FLG: variants seen among roughly 807,000 people sequenced by gnomAD.
FLG encodes epidermal filaggrin.
Under a neutral mutation model 3.8 loss-of-function variants are expected in FLG, and 6 were observed. The observed-to-expected ratio is 1.60, with a 90% confidence interval of 0.87 to 3.15. The LOEUF (loss-of-function observed/expected upper bound fraction) is 3.15. FLG is among the 30% of genes most tolerant of loss of function. The pLI is 0.00. For missense variants in FLG, 7,595 were observed against 5,050.9 expected (o/e 1.50, Z -15.27); for synonymous variants, 2,551 against 1,931.6 (o/e 1.32, Z -8.41).
chr1:152,312,497 C>T lies in FLG; in HGVS notation c.2389G>A (p.Val797Met), dbSNP rs200671159. 5.6e-6 allele frequency: 9 copies of T among 1,613,382 alleles called. No homozygotes were observed. The East Asian group carries it at 1.1e-4, about 20-fold the overall frequency. The change falls in exon 3 of 3, where the codon GTG becomes ATG. Residue 797 changes from valine (V) to methionine (M), a missense_variant. Val to Met is a conservative substitution (Grantham distance 21). Transcript: ENST00000368799. ...SRRSGSFLYQ[V>M]STHKQSESSH... ...GACTCAGACTGTTTATGAGTGCTCACCTGGTAGAGGAAAGACCCTGAACGT... is the reference window on the plus strand; with the variant it reads ...GACTCAGACTGTTTATGAGTGCTCATCTGGTAGAGGAAAGACCCTGAACGT...
Position 152,305,400 on chromosome 1 carries a change from G to C in FLG, c.9486C>G (p.Ser3162Arg), listed in dbSNP as rs768001421. The C allele has an allele frequency of 3.7e-6, 6 of 1,604,452 alleles. No homozygotes were observed. The highest frequency in any genetic ancestry group is 3.4e-5 in the Admixed American group (2 of 58,384). The change falls in exon 3 of 3, where the codon AGC (serine) becomes AGG (arginine). Residue 3162 changes from serine (S) to arginine (R), a missense_variant. Ser to Arg is a moderately radical substitution (Grantham distance 110). Coordinates refer to ENST00000368799, the MANE Select transcript of FLG (RefSeq NM_002016.2). Reference sequence around the variant, plus strand: ...ATTGTTCCTCATTACGTGTTGTTCTGCTTGCACTTCTGGATCCTGACTGCC... The same window carrying C: ...ATTGTTCCTCATTACGTGTTGTTCTCCTTGCACTTCTGGATCCTGACTGCC... ...SRGQSGSRSA[S>R]RTTRNEEQSG...
At chr1:152,318,128 C>T (rs926084613) in intron 1 of FLG, among the ~76,000 whole-genome samples, 1 of 151,926 alleles carries the variant, frequency 6.6e-6, no homozygotes, top group African/African-American at 2.4e-5. Flanking sequence ...CCACCCTCCC[C>T]CAACATTTCT....
In FLG at chr1:152,313,424, T is replaced by C. The variant is rs1652601473; in HGVS notation, c.1462A>G (p.Ser488Gly). The part of the protein sequence containing the change: ...PDSAHGRTGT[S>G]TGGRQGSHHE... ...TGCGATCCTTGTCTTCCTCCAGTGCTGGTCCCGGTCCGTCCATGGGCAGAG... is the reference window on the plus strand; with the variant it reads ...TGCGATCCTTGTCTTCCTCCAGTGCCGGTCCCGGTCCGTCCATGGGCAGAG... The change falls in exon 3 of 3, where the codon AGC (serine) becomes GGC (glycine). Residue 488 changes from serine (S) to glycine (G), a missense_variant. Transcript: ENST00000368799. 1 of 1,613,948 alleles carries C rather than the reference T, an allele frequency of 6.2e-7. No homozygotes were observed. Among genetic ancestry groups the C allele is most frequent in the African/African-American group, 1.3e-5 (1 of 74,964 alleles).
At position 152,302,999 on chromosome 1, in the gene FLG, T is replaced by A. The variant is rs1420563367; in HGVS notation, c.11887A>T (p.Thr3963Ser). ...CCTGATTGACCTTTTTGCCTTTCAGTGCCCTCAGATTGATAATGATAAGAA... is the reference window on the plus strand; with the variant it reads ...CCTGATTGACCTTTTTGCCTTTCAGAGCCCTCAGATTGATAATGATAAGAA... The part of the protein sequence containing the change: ...SSSYHYQSEG[T>S]ERQKGQSGLV... The change falls in exon 3 of 3, where the codon ACT becomes TCT. Residue 3963 changes from threonine (T) to serine (S), a missense_variant. Coordinates refer to ENST00000368799, the MANE Select transcript of FLG (RefSeq NM_002016.2). The A allele has an allele frequency of 6.2e-7, 1 of 1,614,198 alleles. No individual in the cohort carries two copies. The highest frequency in any genetic ancestry group is 8.5e-7 in the Non-Finnish European group (1 of 1,180,052).
In FLG at chr1:152,302,892, A is replaced by T. The variant is rs779272279; in HGVS notation, c.11994T>A (p.Ser3998Arg). The T allele has an allele frequency of 1.1e-5, 17 of 1,614,078 alleles. No individual in the cohort carries two copies. Among genetic ancestry groups the T allele is most frequent in the Non-Finnish European group, 1.2e-5 (14 of 1,180,052 alleles). ...CAACAGGATTGGAATTGTAACTAACACTTCCGTGCTGAGAGTGTCTAAACC... is the reference window on the plus strand; with the variant it reads ...CAACAGGATTGGAATTGTAACTAACTCTTCCGTGCTGAGAGTGTCTAAACC... ...ESGFRHSQHG[S>R]VSYNSNPVVF... Residue 3998 changes from serine to arginine, a missense_variant, in exon 3 of 3, where the codon AGT becomes AGA. Physicochemically the swap from Ser to Arg is moderately radical, Grantham distance 110. Transcript: ENST00000368799.
chr1:152,311,450 G>T lies in FLG; in HGVS notation c.3436C>A (p.His1146Asn), dbSNP rs376703034. 317 of 1,613,912 alleles carry T rather than the reference G, an allele frequency of 2.0e-4. 1 individual carries two copies. In the Middle Eastern group the frequency reaches 5.0e-3, roughly 25 times the overall value. The change falls in exon 3 of 3, where the codon CAC (histidine) becomes AAC (asparagine). Residue 1146 changes from histidine to asparagine, a missense_variant. Transcript: ENST00000368799. The part of the protein sequence containing the change: ...TSTGRRQGSH[H>N]EQARDSSRHS... ...CTGGAGCTGTCTCGTGCCTGCTCGT[G>T]GTGGGATCCTTGTCTTCGTCCAGTG... is the stretch of plus-strand genomic sequence containing the variant.
intron 1 of FLG, 130 bp from the exon 2 acceptor site, chr1:152,315,607 C>A: frequency 1.5e-6 from 1 of 659,440 alleles, no homozygotes; most frequent in Non-Finnish European, 2.5e-6. Context: ...GGAAGATGGA[C>A]ATGAGAAACT....
chr1:152,312,643 G>C lies in FLG; in HGVS notation c.2243C>G (p.Thr748Ser), dbSNP rs201522026. Residue 748 changes from threonine (T) to serine (S), a missense_variant, in exon 3 of 3, where the codon ACT (threonine) becomes AGT (serine). By Grantham distance (58) the Thr-to-Ser change is moderately conservative. Transcript: ENST00000368799. ...GTCTTCTGAATGTCCCTCACTGTCA[G>C]TGGCCTGACTACCACTGGACCCTCG... ...GHRGSSGSQA[T>S]DSEGHSEDSD... is the part of the protein sequence containing the mutation. 1.4e-4 allele frequency: 221 copies of C among 1,613,784 alleles called. No individual in the cohort carries two copies. The highest frequency in any genetic ancestry group is 3.5e-4 in the South Asian group (32 of 91,040).
chr1:152,318,414 G>T (rs1477960448), intron 1 of FLG, among the ~76,000 whole-genome samples: 1 of 151,794 alleles, frequency 6.6e-6, no homozygotes, highest in Non-Finnish European at 1.5e-5. Context: ...CTTTCTTAAT[G>T]GAGTCTTTTT....
Position 152,309,733 on chromosome 1 carries a change from T to A in FLG, c.5153A>T (p.Gln1718Leu), listed in dbSNP as rs771664494. 6.2e-7 allele frequency: 1 copy of A among 1,614,102 alleles called. No individual in the cohort carries two copies. The highest frequency in any genetic ancestry group is 1.1e-5 in the South Asian group (1 of 91,080). ...DSGNRGSSGS[Q>L]ASDSEGHSEE... ...TGAGTGTCCCTCGCTGTCACTGGCC[T>A]GGCTACCACTGGACCCTCGGTTTCC... The change falls in exon 3 of 3, where the codon CAG becomes CTG. Residue 1718 changes from glutamine (Q) to leucine (L), a missense_variant. Coordinates refer to ENST00000368799, the MANE Select transcript of FLG (RefSeq NM_002016.2).
Position 152,306,427 on chromosome 1 carries a change from G to C in FLG, c.8459C>G (p.Thr2820Arg), listed in dbSNP as rs1465525679. The stretch of plus-strand genomic sequence containing the variant: ...GGAGGCATCAGACCTTCCCTGGGAT[G>C]TGGTGTGGCTGTGATGGGACCCTGA... Reference protein sequence around the residue: ...GHSGSHHSHTTSQGRSDASRG... With the variant: ...GHSGSHHSHTRSQGRSDASRG... The change falls in exon 3 of 3, where the codon ACA becomes AGA. Residue 2820 changes from threonine to arginine, a missense_variant. Transcript: ENST00000368799. 1 of 1,605,474 alleles carries C rather than the reference G, an allele frequency of 6.2e-7. No individual in the cohort carries two copies. The highest frequency in any genetic ancestry group is 1.7e-5 in the Admixed American group (1 of 59,852).
At position 152,313,117 on chromosome 1, in the gene FLG, T is replaced by C. The variant is rs746701952; in HGVS notation, c.1769A>G (p.Glu590Gly). 7 of 1,613,918 alleles carry C rather than the reference T, an allele frequency of 4.3e-6. No homozygotes were observed. The South Asian group carries it at 7.7e-5, about 18-fold the overall frequency. Residue 590 changes from glutamate (E) to glycine (G), a missense_variant, in exon 3 of 3, where the codon GAA becomes GGA. By Grantham distance (98) the Glu-to-Gly change is moderately conservative (BLOSUM62 -2). Transcript: ENST00000368799. The part of the protein sequence containing the change: ...GTRHSGSRHH[E>G]ASSQADSSRH... ...AGAGCTGTCAGCCTGAGAGGAAGCT[T>C]CATGATGACGTGACCCTGAGTGCCT...
chr1:152,314,866 T>A, intron 2 of FLG, 119 bp from the exon 3 acceptor site: 1 of 350,932 alleles, frequency 2.8e-6, no homozygotes, highest in Non-Finnish European at 4.0e-6. Flanking sequence ...GGACAAAATC[T>A]TTTTTTTTTT....
rs1421065316 is a variant in FLG at position 152,302,662 on chromosome 1, T to C, written c.*38A>G. 4 of 1,609,986 alleles carry C rather than the reference T, an allele frequency of 2.5e-6. No individual in the cohort carries two copies. Among genetic ancestry groups the C allele is most frequent in the Non-Finnish European group, 3.4e-6 (4 of 1,178,250 alleles). On this transcript the variant is annotated 3_prime_UTR_variant, in exon 3 of 3. Coordinates refer to ENST00000368799, the MANE Select transcript of FLG (RefSeq NM_002016.2). Reference sequence around the variant, plus strand: ...TTGATTGAAAGTGAACTTGCTTCATTCTTCTATTCTTGGATTAATTCCTTT... The same window carrying C: ...TTGATTGAAAGTGAACTTGCTTCATCCTTCTATTCTTGGATTAATTCCTTT...
Position 152,312,027 on chromosome 1 carries a change from C to T in FLG, c.2859G>A (p.Glu953=), listed in dbSNP as rs761300043. ...GSSVSQDSDS[E]GHSEDSERWS... ...ACCTCTCAGAGTCTTCTGAATGTCC[C>T]TCACTGTCACTGTCCTGGCTAACAC... The change falls in exon 3 of 3, where the codon GAG becomes GAA. Residue 953 remains glutamate (E), a synonymous_variant. Transcript: ENST00000368799. 9.3e-6 allele frequency: 15 copies of T among 1,614,146 alleles called. No individual in the cohort carries two copies. Among genetic ancestry groups the T allele is most frequent in the Non-Finnish European group, 1.3e-5 (15 of 1,180,026 alleles).
intron 1 of FLG, among the ~76,000 whole-genome samples, chr1:152,319,374 C>T (rs953660381): frequency 6.7e-6 from 1 of 149,886 alleles, no homozygotes; most frequent in South Asian, 2.1e-4. Flanking sequence ...AAGATTGTGA[C>T]AATTTATTGG....
rs761902710 is a variant in FLG at position 152,308,167 on chromosome 1, C to T, written c.6719G>A (p.Gly2240Glu). Residue 2240 changes from glycine (G) to glutamate (E), a missense_variant, in exon 3 of 3, where the codon GGA becomes GAA. Transcript: ENST00000368799. ...GTCACTGTCCTGGCTAACACTGGAT[C>T]CCCGGGGCCTGCTTGTCCTGGGCCC... ...SSGPRTSRPR[G>E]SSVSQDSDSE... is the part of the protein sequence containing the mutation. 2.2e-5 allele frequency: 36 copies of T among 1,613,838 alleles called. No individual in the cohort carries two copies. Among genetic ancestry groups the T allele is most frequent in the African/African-American group, 6.7e-5 (5 of 74,852 alleles).
Position 152,308,174 on chromosome 1 carries a change from G to T in FLG, c.6712C>A (p.Pro2238Thr), listed in dbSNP as rs533798530. Residue 2238 changes from proline to threonine, a missense_variant, in exon 3 of 3, where the codon CCC (proline) becomes ACC (threonine). Transcript: ENST00000368799. ...TCCTGGCTAACACTGGATCCCCGGGGCCTGCTTGTCCTGGGCCCTGATGAT... is the reference window on the plus strand; with the variant it reads ...TCCTGGCTAACACTGGATCCCCGGGTCCTGCTTGTCCTGGGCCCTGATGAT... Reference protein sequence around the residue: ...GQSSGPRTSRPRGSSVSQDSD... With the variant: ...GQSSGPRTSRTRGSSVSQDSD... The T allele has an allele frequency of 1.1e-5, 17 of 1,613,116 alleles. No homozygotes were observed. The highest frequency in any genetic ancestry group is 1.2e-5 in the Non-Finnish European group (14 of 1,179,634).
In FLG at chr1:152,302,558, C is replaced by A; in HGVS notation, c.*142G>T. The A allele has an allele frequency of 9.3e-7, 1 of 1,077,084 alleles. No homozygotes were observed. The highest frequency in any genetic ancestry group is 1.6e-5 in the South Asian group (1 of 61,102). The allele number at this position is 1,077,084 out of a possible 1,614,324, so 66.7% of individuals were successfully genotyped here. Reference sequence around the variant, plus strand: ...TTACACAATAAAAATAAGCTACCACCAAACTAATGAAATACTATAGCATAT... The same window carrying A: ...TTACACAATAAAAATAAGCTACCACAAAACTAATGAAATACTATAGCATAT... On this transcript the variant is annotated 3_prime_UTR_variant, in exon 3 of 3. Coordinates refer to ENST00000368799, the MANE Select transcript of FLG (RefSeq NM_002016.2).
Sources: gnomAD v4.1 joint callset for allele counts (sites outside exome capture counted in the v4.1 genomes callset) on GRCh38, gnomAD v4.1.1 for gene constraint, MANE v1.5 for transcripts, NCBI Gene and HGNC (gene_info 2026-07-23, HGNC 2026-07-21) for gene names.